CD84: variants seen among roughly 807,000 people sequenced by gnomAD.
The protein encoded by CD84 is SLAM family member 5.
A neutral mutation model predicts 33.8 loss-of-function variants in CD84; 22 were observed. That is an observed-to-expected ratio of 0.65 (90% CI 0.46 to 0.93). CD84 has a LOEUF of 0.93. Ranked by LOEUF, CD84 falls within the 40% of genes least tolerant of loss-of-function variation. The pLI, the probability that CD84 is intolerant of heterozygous loss-of-function variation, is 0.00. For missense variants in CD84, 400 were observed against 397.6 expected, an observed-to-expected ratio of 1.01 and a Z score of -0.05; for synonymous variants, 154 against 145.2, an observed-to-expected ratio of 1.06 and a Z score of -0.44.
rs1005816365 is a variant in CD84 at position 160,543,123 on chromosome 1, T to C, written c.*5133A>G. 20 of 152,188 alleles carry C rather than the reference T, an allele frequency of 1.3e-4. No homozygotes were observed. Among genetic ancestry groups the C allele is most frequent in the African/African-American group, 4.3e-4 (18 of 41,452 alleles). 9.4% of individuals were successfully genotyped at this position (152,188 alleles called of 1,614,324 possible). On this transcript the variant is annotated 3_prime_UTR_variant, in exon 7 of 7. Coordinates refer to ENST00000368054, the MANE Select transcript of CD84 (RefSeq NM_003874.4). ...CCAACCTTCTTTAATTAAATGGGCATTTTCAGCAGGAAAGTTGAGTGGTTA... is the reference window on the plus strand; with the variant it reads ...CCAACCTTCTTTAATTAAATGGGCACTTTCAGCAGGAAAGTTGAGTGGTTA...
intron 5 of CD84, chr1:160,550,527 A>G (rs1656137423): frequency 1.4e-6 from 1 of 704,490 alleles, no homozygotes; most frequent in African/African-American, 1.9e-5. Context: ...GGGGCATTCA[A>G]GGGAACTTGT....
intron 1 of CD84, among the ~76,000 whole-genome samples, chr1:160,573,822 T>C (rs1391154745): frequency 6.6e-6 from 1 of 152,198 alleles, no homozygotes; most frequent in Non-Finnish European, 1.5e-5. Context: ...CTTTGTCTGT[T>C]TCAATCACTA....
chr1:160,564,075 C>A (rs1657166266), intron 2 of CD84, among the ~76,000 whole-genome samples: 1 of 152,146 alleles, frequency 6.6e-6, no homozygotes, highest in Non-Finnish European at 1.5e-5. Flanking sequence ...GCTGATACTG[C>A]CAGTCTACAG....
rs1655597806 is a variant in CD84, at chr1:160,542,554, A to G, written c.*5702T>C. The G allele has an allele frequency of 6.6e-6, 1 of 152,250 alleles. No homozygotes were observed. The highest frequency in any genetic ancestry group is 2.1e-4 in the South Asian group (1 of 4,834). 9.4% of individuals were successfully genotyped at this position (152,250 alleles called of 1,614,324 possible). On this transcript the variant is annotated 3_prime_UTR_variant, in exon 7 of 7. Transcript: ENST00000368054. Reference sequence around the variant, plus strand: ...TTAAAAATTCTCTGATGAATAATCTATGTAATTATTTGCCTACAATAAGAA... The same window carrying G: ...TTAAAAATTCTCTGATGAATAATCTGTGTAATTATTTGCCTACAATAAGAA...
At chr1:160,570,434 T>C (rs1191680096) in intron 1 of CD84, among the ~76,000 whole-genome samples, 1 of 152,186 alleles carries the variant, frequency 6.6e-6, no homozygotes, top group Non-Finnish European at 1.5e-5. Context: ...AATCACTAAT[T>C]TTTAGCAGGG....
chr1:160,569,534 A>ACG (rs1389090408), intron 1 of CD84, among the ~76,000 whole-genome samples: 23 of 87,786 alleles, frequency 2.6e-4, no homozygotes, highest in African/African-American at 6.7e-4. Context: ...ACACACACAC[A>ACG]CACACACGCA....
chr1:160,548,350 T>C, intron 6 of CD84, 29 bp from the exon 7 acceptor site: 2 of 1,613,434 alleles, frequency 1.2e-6, no homozygotes, highest in Non-Finnish European at 1.7e-6. Context: ...TGAGAAAATG[T>C]TAACTGAGAG....
Position 160,546,469 on chromosome 1 carries a change from G to A in CD84, c.*1787C>T, listed in dbSNP as rs1456001088. ...ATACCAGGGAAAGCTTTACAGAAGA[G>A]GTACCTTTTGAGGTGGGCATTGAAG... On this transcript the variant is annotated 3_prime_UTR_variant, in exon 7 of 7. Coordinates refer to ENST00000368054, the MANE Select transcript of CD84 (RefSeq NM_003874.4). The A allele has an allele frequency of 6.6e-6, 1 of 152,244 alleles. No homozygotes were observed. The highest frequency in any genetic ancestry group is 6.5e-5 in the Admixed American group (1 of 15,286). 9.4% of individuals were successfully genotyped at this position (152,244 alleles called of 1,614,324 possible).
intron 2 of CD84, among the ~76,000 whole-genome samples, chr1:160,560,701 C>G (rs577133004): frequency 6.6e-6 from 1 of 152,078 alleles, no homozygotes; most frequent in Admixed American, 6.5e-5. Flanking sequence ...TCAACAAATC[C>G]AGAAGTTGGC....
At chr1:160,565,036 T>C (rs1657230339) in intron 2 of CD84, among the ~76,000 whole-genome samples, 1 of 152,344 alleles carries the variant, frequency 6.6e-6, no homozygotes, top group Middle Eastern at 3.4e-3. Flanking sequence ...TATATTTATT[T>C]GTACCTTCTT....
rs985764764 is a variant in CD84, at chr1:160,552,996, CA to C, written c.760+381del. 4 of 574,592 alleles carry C rather than the reference CA, an allele frequency of 7.0e-6. No individual in the cohort carries two copies. The Admixed American group carries it at 9.0e-5, about 13-fold the overall frequency. The allele number at this position is 574,592 out of a possible 1,614,324, so 35.6% of individuals were successfully genotyped here. A position where few individuals can be genotyped will look rare whatever the true frequency, so the allele number is the denominator to read the frequency against. On this transcript the variant is annotated intron_variant, in intron 4 of 6. Coordinates refer to ENST00000368054, the MANE Select transcript of CD84 (RefSeq NM_003874.4). ...TAGTATATGTTTCTCAATGACTCTC[CA>C]ATAGTCATAATCAAAATACAATGAA...
At position 160,550,978 on chromosome 1, in the gene CD84, G is replaced by A. The variant is rs201735126; in HGVS notation, c.818C>T (p.Pro273Leu). 6.2e-7 allele frequency: 1 copy of A among 1,614,122 alleles called. No individual in the cohort carries two copies. The highest frequency in any genetic ancestry group is 2.2e-5 in the East Asian group (1 of 44,888). The change falls in exon 5 of 7, where the codon CCA (proline) becomes CTA (leucine). Residue 273 changes from proline (P) to leucine (L), a missense_variant. Transcript: ENST00000368054. The part of the protein sequence containing the change: ...TYIMASRNTQ[P>L]AESRIYDEIL... ...TTCATCATAGATTCTGGACTCTGCT[G>A]GCTGGGTGTTCCTTGAAGCCATGAT...
rs1008709143 is a variant in CD84 at position 160,543,247 on chromosome 1, T to C, written c.*5009A>G. ...ATGCAAATATTCATTTAGTAGATATTTGTGGTCCACCTATTATGTGTCAAG... is the reference window on the plus strand; with the variant it reads ...ATGCAAATATTCATTTAGTAGATATCTGTGGTCCACCTATTATGTGTCAAG... On this transcript the variant is annotated 3_prime_UTR_variant, in exon 7 of 7. Transcript: ENST00000368054. 1 of 152,194 alleles carries C rather than the reference T, an allele frequency of 6.6e-6. No individual in the cohort carries two copies. Among genetic ancestry groups the C allele is most frequent in the South Asian group, 2.1e-4 (1 of 4,836 alleles). The allele number at this position is 152,194 out of a possible 1,614,324, so 9.4% of individuals were successfully genotyped here. A position where few individuals can be genotyped will look rare whatever the true frequency, so the allele number is the denominator to read the frequency against.
At position 160,542,002 on chromosome 1, in the gene CD84, T is replaced by C. The variant is rs765844468; in HGVS notation, c.*6254A>G. Reference sequence around the variant, plus strand: ...TGACAGGACCTATTCTCTGACTAGATGTAGAGGGGATCTGGGGTGACAGGG... The same window carrying C: ...TGACAGGACCTATTCTCTGACTAGACGTAGAGGGGATCTGGGGTGACAGGG... On this transcript the variant is annotated 3_prime_UTR_variant, in exon 7 of 7. Transcript: ENST00000368054. The C allele has an allele frequency of 6.6e-6, 1 of 152,110 alleles. No individual in the cohort carries two copies. The highest frequency in any genetic ancestry group is 1.5e-5 in the Non-Finnish European group (1 of 68,042). 9.4% of individuals were successfully genotyped at this position (152,110 alleles called of 1,614,324 possible). A position where few individuals can be genotyped will look rare whatever the true frequency, so the allele number is the denominator to read the frequency against.
chr1:160,550,301 TATCAG>T (rs1656118535), intron 5 of CD84, among the ~76,000 whole-genome samples: 1 of 151,992 alleles, frequency 6.6e-6, no homozygotes, highest in Non-Finnish European at 1.5e-5. Flanking sequence ...CCAGCTGCCC[TATCAG>T]TCCAAGCACA....
rs1298403505 is a variant in CD84 at position 160,549,967 on chromosome 1, T to C, written c.871A>G (p.Lys291Glu). Reference sequence around the variant, plus strand: ...TAAACTGTGTTCACTGGCTCTTCCTTGGAGGGAAGCACCTGTAAAACACAC... The same window carrying C: ...TAAACTGTGTTCACTGGCTCTTCCTCGGAGGGAAGCACCTGTAAAACACAC... ...EILQSKVLPS[K>E]EEPVNTVYSE... Residue 291 changes from lysine to glutamate, a missense_variant, in exon 6 of 7, where the codon AAG becomes GAG. Coordinates refer to ENST00000368054, the MANE Select transcript of CD84 (RefSeq NM_003874.4). 2 of 1,611,456 alleles carry C rather than the reference T, an allele frequency of 1.2e-6. No individual in the cohort carries two copies. The highest frequency in any genetic ancestry group is 3.3e-5 in the Admixed American group (2 of 59,986).
chr1:160,572,228 C>T (rs767222332), intron 1 of CD84, among the ~76,000 whole-genome samples: 7 of 151,928 alleles, frequency 4.6e-5, no homozygotes, highest in Non-Finnish European at 1.0e-4. Context: ...ATAGAAGGTG[C>T]TTAATACACA....
At chr1:160,553,518 G>A (rs1174123724) in intron 3 of CD84, 21 bp from the exon 4 acceptor site, 7 of 1,613,922 alleles carry the variant, frequency 4.3e-6, no homozygotes, top group Non-Finnish European at 5.1e-6. Flanking sequence ...AAGATGCAGT[G>A]AGTCTTGATT....
rs142917772 is a variant in CD84 at position 160,573,761 on chromosome 1, C to T, written c.46+5631G>A. Among the ~76,000 whole-genome samples, 175 of 152,238 alleles carry T rather than the reference C, an allele frequency of 1.1e-3. 3 individuals carry two copies. Among genetic ancestry groups the T allele is most frequent in the South Asian group, 7.1e-3 (34 of 4,822 alleles). On this transcript the variant is annotated intron_variant, in intron 1 of 6. Transcript: ENST00000368054. ...TGCTTATTTATTGATTGTCTCCCAA[C>T]CCATCCCCTCAATACACTGCTACTA... is the stretch of plus-strand genomic sequence containing the variant.
Sources: gnomAD v4.1 joint callset for allele counts (sites outside exome capture counted in the v4.1 genomes callset) on GRCh38, gnomAD v4.1.1 for gene constraint, MANE v1.5 for transcripts, NCBI Gene and HGNC (gene_info 2026-07-23, HGNC 2026-07-21) for gene names.